The following MAGI3 variants were observed in gnomAD, a reference collection of about 807,000 sequenced individuals.
MAGI3 encodes the protein membrane associated guanylate kinase, WW and PDZ domain containing 3.
MAGI3 carries 43 observed loss-of-function variants against 121.8 expected under a neutral mutation model. That is an observed-to-expected ratio of 0.35 (90% CI 0.28 to 0.46). MAGI3 has a LOEUF of 0.46. Among genes scored for constraint, MAGI3 ranks in the 20% least tolerant of loss-of-function variants. MAGI3 has a pLI of 1.00. For missense variants in MAGI3, 1,547 were observed against 1,797.3 expected, an observed-to-expected ratio of 0.86 and a Z score of 2.52; for synonymous variants, 553 against 639.3, an observed-to-expected ratio of 0.86 and a Z score of 2.04.
intron 1 of MAGI3, among the ~76,000 whole-genome samples, chr1:113,477,178 C>T (rs1459671565): frequency 2.0e-5 from 3 of 151,984 alleles, no homozygotes; most frequent in East Asian, 1.9e-4. Context: ...GACTCTTTAT[C>T]GAATTTGCCA....
At chr1:113,622,769 A>C in intron 8 of MAGI3, 37 bp from the exon 9 acceptor site, 2 of 1,494,732 alleles carry the variant, frequency 1.3e-6, no homozygotes, top group Middle Eastern at 3.4e-4. Flanking sequence ...CATTGTAATT[A>C]TTTTTGTTCT....
intron 16 of MAGI3, 64 bp from the exon 17 acceptor site, chr1:113,671,670 A>G (rs762994904): frequency 8.6e-4 from 1,279 of 1,492,096 alleles, no homozygotes; most frequent in Non-Finnish European, 1.1e-3. Flanking sequence ...ACCTTCACAG[A>G]TCCGCTTGGC....
chr1:113,660,451 C>T lies in MAGI3; in HGVS notation c.2815+1186C>T, dbSNP rs534001004. ...CACACCCTCTCTAAGCTGGGCCTCA[C>T]TGGCCTCTATGTACATGGCCTTCCC... On this transcript the variant is annotated intron_variant, in intron 16 of 20. Coordinates refer to ENST00000307546, the MANE Select transcript of MAGI3 (RefSeq NM_001142782.2). Among the ~76,000 whole-genome samples, 17 of 152,208 alleles carry T rather than the reference C, an allele frequency of 1.1e-4. No individual in the cohort carries two copies. The South Asian group carries it at 3.5e-3, about 32-fold the overall frequency.
At chr1:113,442,929 C>T (rs571381472) in intron 1 of MAGI3, among the ~76,000 whole-genome samples, 1 of 152,110 alleles carries the variant, frequency 6.6e-6, no homozygotes, top group African/African-American at 2.4e-5. Context: ...ATAATTTGCC[C>T]TCAGTTTATA....
intron 7 of MAGI3, among the ~76,000 whole-genome samples, chr1:113,618,326 G>A (rs1650603537): frequency 1.3e-5 from 2 of 151,678 alleles, no homozygotes; most frequent in Admixed American, 6.6e-5. Context: ...GACAGAATGA[G>A]TGCCTGTCTC....
chr1:113,640,935 T>TGATATATAAAATATATC (rs1281780594), intron 9 of MAGI3, among the ~76,000 whole-genome samples: 11 of 9,696 alleles, frequency 1.1e-3, no homozygotes, highest in Non-Finnish European at 2.3e-3. Flanking sequence ...TTATATATCA[T>TGATATATAAAATATATC]ATATATAAAT....
chr1:113,429,701 T>G (rs945512123), intron 1 of MAGI3, among the ~76,000 whole-genome samples: 1 of 152,170 alleles, frequency 6.6e-6, no homozygotes, highest in Non-Finnish European at 1.5e-5. Context: ...CGTGACCAGT[T>G]TGGTTGCAGG....
intron 1 of MAGI3, among the ~76,000 whole-genome samples, chr1:113,471,598 A>G (rs558250415): frequency 3.2e-4 from 49 of 152,296 alleles, no homozygotes; most frequent in African/African-American, 1.1e-3. Context: ...AAACAATGAT[A>G]AAAGTATAAT....
At chr1:113,594,435 C>T in intron 5 of MAGI3, 46 bp from the exon 6 acceptor site, 2 of 1,436,280 alleles carry the variant, frequency 1.4e-6, no homozygotes, top group Non-Finnish European at 9.6e-7. Context: ...AAATAATTTT[C>T]TCCTCCTTTA....
intron 2 of MAGI3, among the ~76,000 whole-genome samples, chr1:113,578,645 T>C (rs1647810226): frequency 6.6e-6 from 1 of 152,280 alleles, no homozygotes; most frequent in East Asian, 1.9e-4. Context: ...CTTGAGTTAA[T>C]GTCTAATGTT....
At chr1:113,563,491 G>A (rs1197954332) in intron 2 of MAGI3, among the ~76,000 whole-genome samples, 1 of 152,116 alleles carries the variant, frequency 6.6e-6, no homozygotes, top group Non-Finnish European at 1.5e-5. Flanking sequence ...AAGACACCCA[G>A]CAAGTTTCAG....
chr1:113,450,784 G>T, intron 1 of MAGI3: 2 of 798,864 alleles, frequency 2.5e-6, no homozygotes, highest in Non-Finnish European at 4.4e-6. Flanking sequence ...GCGAGGAGTT[G>T]TCAGGAAAAC....
At chr1:113,631,463 A>G (rs1166139829) in intron 9 of MAGI3, among the ~76,000 whole-genome samples, 1 of 152,194 alleles carries the variant, frequency 6.6e-6, no homozygotes, top group Non-Finnish European at 1.5e-5. Flanking sequence ...ATGGTGGGCC[A>G]TTTTACAAAC....
chr1:113,496,334 G>A (rs1346534237), intron 1 of MAGI3, among the ~76,000 whole-genome samples: 1 of 152,128 alleles, frequency 6.6e-6, no homozygotes, highest in Non-Finnish European at 1.5e-5. Flanking sequence ...AAAGTTAGCT[G>A]CATATTTTCT....
chr1:113,652,088 T>TG (rs1275242132), intron 14 of MAGI3, among the ~76,000 whole-genome samples: 1 of 152,236 alleles, frequency 6.6e-6, no homozygotes, highest in Non-Finnish European at 1.5e-5. Flanking sequence ...AGGTAGGGCC[T>TG]GGATTAAAAG....
At chr1:113,463,551 A>G (rs1655135821) in intron 1 of MAGI3, among the ~76,000 whole-genome samples, 1 of 152,122 alleles carries the variant, frequency 6.6e-6, no homozygotes, top group Non-Finnish European at 1.5e-5. Flanking sequence ...GGGATCTTTG[A>G]TGACCCTTAG....
chr1:113,656,067 C>T (rs1557877418), intron 15 of MAGI3, among the ~76,000 whole-genome samples: 1 of 152,138 alleles, frequency 6.6e-6, no homozygotes, highest in Non-Finnish European at 1.5e-5. Flanking sequence ...TGAGTATTTG[C>T]AGCTCATTAA....
intron 1 of MAGI3, among the ~76,000 whole-genome samples, chr1:113,420,230 A>G (rs1652669063): frequency 6.6e-6 from 1 of 152,198 alleles, no homozygotes; most frequent in Admixed American, 6.5e-5. Flanking sequence ...TGGTGGGTCT[A>G]CACGAGCCTT....
intron 1 of MAGI3, among the ~76,000 whole-genome samples, chr1:113,401,899 G>A (rs1216667057): frequency 6.6e-6 from 1 of 152,160 alleles, no homozygotes; most frequent in Non-Finnish European, 1.5e-5. Flanking sequence ...GAAGAGGCAG[G>A]TAAAGCAGGT....
Sources: gnomAD v4.1 joint callset for allele counts (sites outside exome capture counted in the v4.1 genomes callset) on GRCh38, gnomAD v4.1.1 for gene constraint, MANE v1.5 for transcripts, NCBI Gene and HGNC (gene_info 2026-07-23, HGNC 2026-07-21) for gene names.